CCNJL: variants seen among roughly 807,000 people sequenced by gnomAD.
The protein encoded by CCNJL is cyclin-J-like protein.
Under a neutral mutation model 33.4 loss-of-function variants are expected in CCNJL, and 33 were observed. That is an observed-to-expected ratio of 0.99 (90% CI 0.75 to 1.32). The LOEUF (loss-of-function observed/expected upper bound fraction) is 1.32, where lower values mean the gene tolerates loss of function less well. Ranked by LOEUF, CCNJL falls within the 40% of genes most tolerant of loss-of-function variation. The probability of loss-of-function intolerance (pLI) is 0.00; values close to 1 mark genes in which losing one functional copy is unlikely to be tolerated. For missense variants in CCNJL, 512 were observed against 499.7 expected (o/e 1.02, Z -0.23); for synonymous variants, 227 against 220.9 (o/e 1.03, Z -0.24).
intron 2 of CCNJL, among the ~76,000 whole-genome samples, chr5:160,301,157 T>A (rs1035551928): frequency 1.3e-5 from 2 of 152,046 alleles, no homozygotes; most frequent in African/African-American, 2.4e-5. Context: ...AGTGGGGAAA[T>A]GGATGAACAA....
chr5:160,315,661 G>A (rs1581017205), upstream of CCNJL, among the ~76,000 whole-genome samples: 2 of 140,612 alleles, frequency 1.4e-5, no homozygotes, highest in African/African-American at 5.0e-5. Context: ...GTAGGATTAT[G>A]GTAAATTTTA....
chr5:160,294,971 G>C (rs192293251), intron 2 of CCNJL: 4 of 152,224 alleles, frequency 2.6e-5, no homozygotes, highest in African/African-American at 9.7e-5. Flanking sequence ...ACCCTAATGA[G>C]AAGCCCAAAA....
chr5:160,288,510 C>A (rs1762479089), intron 2 of CCNJL, among the ~76,000 whole-genome samples: 1 of 152,134 alleles, frequency 6.6e-6, no homozygotes, highest in Non-Finnish European at 1.5e-5. Context: ...AGGAATTTTC[C>A]ATTTTTTTCT....
chr5:160,265,822 TAGCCTG>T (rs1761557430), intron 3 of CCNJL, among the ~76,000 whole-genome samples: 1 of 139,684 alleles, frequency 7.2e-6, no homozygotes, highest in Non-Finnish European at 1.5e-5. Context: ...CACTGCACTC[TAGCCTG>T]GGCGACAGAG....
chr5:160,308,334 CCTT>C (rs1307737275), intron 2 of CCNJL, among the ~76,000 whole-genome samples: 5 of 152,376 alleles, frequency 3.3e-5, no homozygotes, highest in African/African-American at 1.2e-4. Context: ...TATTCATTCT[CCTT>C]GTCATTCCAT....
Sources: allele counts gnomAD v4.1 joint callset (sites outside exome capture counted in the v4.1 genomes callset), GRCh38; gene constraint gnomAD v4.1.1; transcripts MANE v1.5; gene names NCBI Gene and HGNC (gene_info 2026-07-23, HGNC 2026-07-21).